Variants in PIP5K1B observed in about 807,000 individuals in gnomAD.
The protein encoded by PIP5K1B is phosphatidylinositol-4-phosphate 5-kinase type 1 beta, also known as phosphatidylinositol 4-phosphate 5-kinase type-1 beta.
In PIP5K1B, 42 loss-of-function variants were observed where a neutral mutation model predicts 67.0. The ratio of observed to expected loss-of-function variants is 0.63; its 90% CI spans 0.49 to 0.81. The LOEUF is 0.81. Among genes scored for constraint, PIP5K1B ranks in the 30% least tolerant of loss-of-function variants. PIP5K1B has a pLI of 0.00. For missense variants in PIP5K1B, 459 were observed against 646.3 expected (o/e 0.71, Z 3.14); for synonymous variants, 214 against 231.4 (o/e 0.92, Z 0.68).
chr9:68,802,883 G>A (rs149805533), intron 2 of PIP5K1B, among the ~76,000 whole-genome samples: 3,996 of 152,236 alleles, frequency 0.026, 79 homozygotes, highest in Middle Eastern at 0.075. Context: ...GGAAGCCCTT[G>A]CAGGATTTTA....
At chr9:68,950,047 A>G (rs1002460822) in intron 14 of PIP5K1B, among the ~76,000 whole-genome samples, 6 of 152,248 alleles carry the variant, frequency 3.9e-5, no homozygotes, top group African/African-American at 1.4e-4. Context: ...TTTAGGCTAA[A>G]CTTCATTTAA....
intron 1 of PIP5K1B, chr9:68,727,517 T>C (rs1399842620): frequency 2.0e-5 from 3 of 152,140 alleles, no homozygotes; most frequent in Admixed American, 6.5e-5. Flanking sequence ...TAGAGTTATA[T>C]AAAGAAAGGA....
chr9:68,984,749 G>A (rs1480414602), intron 14 of PIP5K1B, among the ~76,000 whole-genome samples: 5 of 152,144 alleles, frequency 3.3e-5, no homozygotes, highest in Non-Finnish European at 5.9e-5. Context: ...AAAGAACAAA[G>A]ATCTCCACAG....
At chr9:68,781,628 C>A (rs1831285919) in intron 2 of PIP5K1B, 1 of 166,756 alleles carries the variant, frequency 6.0e-6, no homozygotes, top group South Asian at 2.1e-4. Context: ...TTGAACAAAT[C>A]TTTTCAAATT....
chr9:68,860,227 C>T (rs1470976187), intron 4 of PIP5K1B, among the ~76,000 whole-genome samples: 1 of 152,086 alleles, frequency 6.6e-6, no homozygotes, highest in African/African-American at 2.4e-5. Context: ...TGGTAACTGG[C>T]ATTCTACTTC....
At chr9:68,886,103 C>T (rs1331720589) in intron 6 of PIP5K1B, among the ~76,000 whole-genome samples, 3 of 151,744 alleles carry the variant, frequency 2.0e-5, no homozygotes, top group Non-Finnish European at 2.9e-5. Context: ...GGTGTGAACC[C>T]GGGAGGCGGA....
chr9:68,794,870 G>T (rs1188090762), intron 2 of PIP5K1B, among the ~76,000 whole-genome samples: 2 of 152,088 alleles, frequency 1.3e-5, no homozygotes, highest in Admixed American at 1.3e-4. Flanking sequence ...TCTAATCATA[G>T]AATATTGTCA....
chr9:68,933,848 C>A (rs1827126995), intron 12 of PIP5K1B, among the ~76,000 whole-genome samples: 1 of 152,134 alleles, frequency 6.6e-6, no homozygotes, highest in Non-Finnish European at 1.5e-5. Context: ...ATTTGTGTGT[C>A]CCAAAGTCCT....
intron 1 of PIP5K1B, chr9:68,708,092 A>G (rs6560316): frequency 0.71 from 108,593 of 151,996 alleles, 39,386 homozygotes; most frequent in African/African-American, 0.84. Context: ...CCACTTCATC[A>G]AAGGAATGAA....
intron 15 of PIP5K1B, among the ~76,000 whole-genome samples, chr9:68,993,162 CAA>C (rs34827003): frequency 6.8e-6 from 1 of 146,050 alleles, no homozygotes; most frequent in Middle Eastern, 3.6e-3. Flanking sequence ...ACTCCGTCTC[CAA>C]AAAAAAAAAA....
rs558644442 is a variant in PIP5K1B, at chr9:69,007,673, C to T, written c.1621-774C>T. ...GAGTTCAAGACCATCCTGGCTAACA[C>T]AGTGAAACCCCATCTCTACTAAAAA... On this transcript the variant is annotated intron_variant, in intron 15 of 15. Transcript: ENST00000265382. 2.8e-4 allele frequency among the ~76,000 whole-genome samples: 42 copies of T among 152,152 alleles called. No individual in the cohort carries two copies. In the South Asian group the frequency reaches 6.6e-3, roughly 24 times the overall value.
intron 5 of PIP5K1B, among the ~76,000 whole-genome samples, chr9:68,866,731 A>C (rs1009016392): frequency 6.6e-6 from 1 of 152,168 alleles, no homozygotes; most frequent in African/African-American, 2.4e-5. Context: ...TTGTAGGAAG[A>C]GGAAGGTGGG....
At chr9:68,764,763 C>T (rs1163005752) in intron 2 of PIP5K1B, among the ~76,000 whole-genome samples, 2 of 152,018 alleles carry the variant, frequency 1.3e-5, no homozygotes, top group African/African-American at 4.8e-5. Flanking sequence ...AAGCTTTCCT[C>T]GTCCTCACCT....
chr9:68,981,545 A>G (rs988803044), intron 14 of PIP5K1B, among the ~76,000 whole-genome samples: 9 of 152,186 alleles, frequency 5.9e-5, no homozygotes, highest in Admixed American at 2.6e-4. Flanking sequence ...CTTTATTATG[A>G]TGTTTATTAC....
At chr9:68,820,456 A>G (rs1833681912) in intron 3 of PIP5K1B, among the ~76,000 whole-genome samples, 1 of 152,202 alleles carries the variant, frequency 6.6e-6, no homozygotes, top group Non-Finnish European at 1.5e-5. Flanking sequence ...ATTGGTGGGC[A>G]GTACTAGATC....
intron 8 of PIP5K1B, among the ~76,000 whole-genome samples, chr9:68,916,859 G>A (rs982993625): frequency 4.0e-5 from 6 of 148,272 alleles, no homozygotes; most frequent in African/African-American, 1.2e-4. Context: ...GCGACAGGGC[G>A]AGACTCTGTC....
intron 1 of PIP5K1B, among the ~76,000 whole-genome samples, chr9:68,734,439 G>C (rs980169237): frequency 6.6e-6 from 1 of 152,182 alleles, no homozygotes; most frequent in East Asian, 1.9e-4. Context: ...AACTGGGAGG[G>C]AAGGACCATA....
intron 12 of PIP5K1B, among the ~76,000 whole-genome samples, chr9:68,927,095 T>C (rs1050483943): frequency 3.9e-5 from 6 of 152,262 alleles, no homozygotes; most frequent in Non-Finnish European, 7.3e-5. Context: ...TGTAGCCTCG[T>C]AGCATGTACC....
At chr9:68,935,357 A>C (rs1390117055) in intron 13 of PIP5K1B, among the ~76,000 whole-genome samples, 1 of 152,100 alleles carries the variant, frequency 6.6e-6, no homozygotes, top group Non-Finnish European at 1.5e-5. Context: ...AATCCCAGCT[A>C]CTTGGGAAGC....
Sources: allele counts gnomAD v4.1 joint callset (sites outside exome capture counted in the v4.1 genomes callset), GRCh38; gene constraint gnomAD v4.1.1; transcripts MANE v1.5; gene names NCBI Gene and HGNC (gene_info 2026-07-23, HGNC 2026-07-21).